SEMA5A: variants seen among roughly 807,000 people sequenced by gnomAD.
The protein encoded by SEMA5A is semaphorin 5A, also known as semaphorin-5A.
SEMA5A carries 55 observed loss-of-function variants against 135.5 expected under a neutral mutation model. The observed-to-expected ratio is 0.41, with a 90% confidence interval of 0.33 to 0.51. The LOEUF is 0.51. SEMA5A is among the 20% of genes least tolerant of loss of function. The pLI is 0.37. For synonymous variants in SEMA5A, 580 were observed against 546.5 expected (o/e 1.06, Z -0.85); for missense variants, 1,290 against 1,419.9 (o/e 0.91, Z 1.47).
At chr5:9,429,184 G>A (rs1261464772) in intron 2 of SEMA5A, among the ~76,000 whole-genome samples, 1 of 152,142 alleles carries the variant, frequency 6.6e-6, no homozygotes. Flanking sequence ...ACAATGTGGG[G>A]GAAATTATAC....
intron 16 of SEMA5A, among the ~76,000 whole-genome samples, chr5:9,083,578 TCATCCATTCATCCATC>T (rs1411544059): frequency 0.04 from 4,154 of 103,224 alleles, 149 homozygotes; most frequent in African/African-American, 0.11. Flanking sequence ...TTCCATTCAT[TCATCCATTCATCCATC>T]CATCCATCCA....
At chr5:9,513,395 C>A (rs1736328401) in intron 1 of SEMA5A, among the ~76,000 whole-genome samples, 1 of 152,006 alleles carries the variant, frequency 6.6e-6, no homozygotes, top group Non-Finnish European at 1.5e-5. Context: ...AACACTTTTT[C>A]TTTTCAGGAT....
intron 11 of SEMA5A, among the ~76,000 whole-genome samples, chr5:9,157,767 G>A (rs1312249195): frequency 6.6e-6 from 1 of 152,236 alleles, no homozygotes; most frequent in Non-Finnish European, 1.5e-5. Context: ...TCCTTTGCCT[G>A]AGGTGACAAA....
intron 17 of SEMA5A, 92 bp downstream of exon 17, chr5:9,066,329 A>G: frequency 8.1e-7 from 1 of 1,235,420 alleles, no homozygotes; most frequent in Non-Finnish European, 1.2e-6. Flanking sequence ...ATAACCAAAA[A>G]GGAAAATGCC....
rs776695095 is a variant in SEMA5A at position 9,044,410 on chromosome 5, T to G, written c.3068A>C (p.Asn1023Thr). 1.9e-6 allele frequency: 3 copies of G among 1,613,558 alleles called. No homozygotes were observed. The highest frequency in any genetic ancestry group is 2.5e-6 in the Non-Finnish European group (3 of 1,179,902). ...CACCGAGTCGTACTTGTCCAGTTTG[T>G]TGATGTGGTTGGTTATGCTGGTATT... ...PLNTSITNHI[N>T]KLDKYDSVEA... Residue 1023 changes from asparagine to threonine, a missense_variant, in exon 22 of 23, where the codon AAC (asparagine) becomes ACC (threonine). Asn to Thr is a moderately conservative substitution (Grantham distance 65, BLOSUM62 0). Around this residue, in one of 3 missense-constraint regions of SEMA5A, gnomAD observed 1,029 missense variants for 1,086.6 expected, o/e 0.95. Coordinates refer to ENST00000382496, the MANE Select transcript of SEMA5A (RefSeq NM_003966.3).
intron 1 of SEMA5A, among the ~76,000 whole-genome samples, chr5:9,489,476 G>A (rs779625111): frequency 6.6e-6 from 1 of 152,284 alleles, no homozygotes; most frequent in African/African-American, 2.4e-5. Flanking sequence ...CACCCACAGG[G>A]ATGGCGGTAA....
chr5:9,312,807 T>C (rs1232893871), intron 5 of SEMA5A, among the ~76,000 whole-genome samples: 1 of 152,216 alleles, frequency 6.6e-6, no homozygotes, highest in Non-Finnish European at 1.5e-5. Flanking sequence ...AAATATTCCT[T>C]ACACCAGATT....
At chr5:9,490,456 A>C (rs1205176959) in intron 1 of SEMA5A, among the ~76,000 whole-genome samples, 2 of 152,162 alleles carry the variant, frequency 1.3e-5, no homozygotes, top group Admixed American at 6.5e-5. Context: ...TGAAAAAAAA[A>C]TTTTAATAAT....
intron 16 of SEMA5A, among the ~76,000 whole-genome samples, chr5:9,094,701 C>T (rs1739225660): frequency 6.6e-6 from 1 of 152,160 alleles, no homozygotes; most frequent in African/African-American, 2.4e-5. Context: ...CACACAATGA[C>T]ATTAGAGGTC....
chr5:9,156,523 G>A (rs369558094), intron 11 of SEMA5A, among the ~76,000 whole-genome samples: 2 of 152,304 alleles, frequency 1.3e-5, no homozygotes, highest in East Asian at 3.9e-4. Context: ...TACACAAGAG[G>A]ACATCATCTG....
At chr5:9,196,711 C>T (rs1745404868) in intron 10 of SEMA5A, among the ~76,000 whole-genome samples, 1 of 152,198 alleles carries the variant, frequency 6.6e-6, no homozygotes, top group Non-Finnish European at 1.5e-5. Context: ...CCTCAGCTGC[C>T]TGCATCACAT....
At chr5:9,051,288 C>G (rs906266315) in intron 20 of SEMA5A, among the ~76,000 whole-genome samples, 16 of 152,174 alleles carry the variant, frequency 1.1e-4, no homozygotes, top group African/African-American at 3.6e-4. Flanking sequence ...CTAAGGCACA[C>G]AGTGGACATA....
intron 2 of SEMA5A, among the ~76,000 whole-genome samples, chr5:9,392,551 T>C (rs1756209270): frequency 6.6e-6 from 1 of 152,158 alleles, no homozygotes; most frequent in Admixed American, 6.5e-5. Flanking sequence ...CCAGAGGCCT[T>C]TGTCCTCAGT....
chr5:9,255,208 T>G lies in SEMA5A; in HGVS notation c.271-17318A>C, dbSNP rs1805978. ...TGGGAACAAAGGAGATACAGTGATGTAAGTGTGGCTCAGATGTTTTGTTTA... is the reference window on the plus strand; with the variant it reads ...TGGGAACAAAGGAGATACAGTGATGGAAGTGTGGCTCAGATGTTTTGTTTA... On this transcript the variant is annotated intron_variant, in intron 5 of 22. Transcript: ENST00000382496. Among the ~76,000 whole-genome samples, 1,188 of 152,324 alleles carry G rather than the reference T, an allele frequency of 7.8e-3. 11 individuals carry two copies. Among genetic ancestry groups the G allele is most frequent in the African/African-American group, 0.027 (1,131 of 41,580 alleles).
Position 9,041,031 on chromosome 5 carries a change from T to A in SEMA5A, c.*1866A>T, listed in dbSNP as rs1735937988. 2 of 152,206 alleles carry A rather than the reference T, an allele frequency of 1.3e-5. No individual in the cohort carries two copies. 9.4% of individuals were successfully genotyped at this position (152,206 alleles called of 1,614,324 possible). A position where few individuals can be genotyped will look rare whatever the true frequency, so the allele number is the denominator to read the frequency against. ...GCATGTGCATATAGACAGAAGACTCTGACATATGAGGAATGAGTGAGAGGC... is the reference window on the plus strand; with the variant it reads ...GCATGTGCATATAGACAGAAGACTCAGACATATGAGGAATGAGTGAGAGGC... On this transcript the variant is annotated 3_prime_UTR_variant, in exon 23 of 23. Transcript: ENST00000382496.
At chr5:9,123,675 A>G (rs1183044699) in intron 13 of SEMA5A, among the ~76,000 whole-genome samples, 1 of 152,224 alleles carries the variant, frequency 6.6e-6, no homozygotes, top group Non-Finnish European at 1.5e-5. Context: ...AGTAACATTT[A>G]TCATTAAAGA....
intron 5 of SEMA5A, among the ~76,000 whole-genome samples, chr5:9,294,384 C>A (rs984027185): frequency 1.4e-4 from 21 of 152,180 alleles, no homozygotes; most frequent in Admixed American, 1.4e-3. Context: ...GGGCAGGGGA[C>A]CCTGGCCTTC....
chr5:9,230,341 G>A (rs1359286492), intron 6 of SEMA5A, among the ~76,000 whole-genome samples: 1 of 151,882 alleles, frequency 6.6e-6, no homozygotes, highest in Non-Finnish European at 1.5e-5. Flanking sequence ...CAAGGTTGAC[G>A]AAGAACCAGC....
chr5:9,272,512 T>G (rs530495337), intron 5 of SEMA5A, among the ~76,000 whole-genome samples: 22 of 152,286 alleles, frequency 1.4e-4, no homozygotes, highest in African/African-American at 5.3e-4. Context: ...TGAGCTCTGA[T>G]AAGGGACAGA....
Sources: gnomAD v4.1 joint callset for allele counts (sites outside exome capture counted in the v4.1 genomes callset) on GRCh38, gnomAD v4.1.1 for gene constraint, gnomAD v4.1.1 regional missense constraint, MANE v1.5 for transcripts, NCBI Gene and HGNC (gene_info 2026-07-23, HGNC 2026-07-21) for gene names.